Variants in CNNM2 observed in about 807,000 individuals in gnomAD.
The protein encoded by CNNM2 is cyclin and CBS domain divalent metal cation transport mediator 2.
CNNM2 carries 12 observed loss-of-function variants against 66.9 expected under a neutral mutation model. That is an observed-to-expected ratio of 0.18 (90% CI 0.11 to 0.29). CNNM2 has a LOEUF of 0.29. Ranked by LOEUF, CNNM2 falls within the 10% of genes least tolerant of loss-of-function variation. CNNM2 has a pLI of 1.00. For synonymous variants in CNNM2, 557 were observed against 501.8 expected, an observed-to-expected ratio of 1.11 and a Z score of -1.47; for missense variants, 705 against 1,167.7, an observed-to-expected ratio of 0.60 and a Z score of 5.77.
intron 1 of CNNM2, chr10:102,927,328 C>T (rs762567643): frequency 6.2e-6 from 10 of 1,613,718 alleles, no homozygotes; most frequent in South Asian, 1.1e-5. Context: ...CTTTTCATCT[C>T]TTTTTGTTTT....
intron 1 of CNNM2, among the ~76,000 whole-genome samples, chr10:102,959,215 G>A (rs1056265914): frequency 6.6e-6 from 1 of 150,998 alleles, no homozygotes; most frequent in Admixed American, 6.6e-5. Flanking sequence ...TACAGGCCTC[G>A]GCCACTGTGC....
At chr10:103,061,626 T>C (rs1178996246) in intron 4 of CNNM2, among the ~76,000 whole-genome samples, 2 of 152,200 alleles carry the variant, frequency 1.3e-5, no homozygotes, top group Non-Finnish European at 2.9e-5. Context: ...TAGAACAAGA[T>C]GGCATGATAG....
Position 103,088,437 on chromosome 10 carries a change from T to A in CNNM2, c.*11257T>A, listed in dbSNP as rs1485013553. The A allele has an allele frequency of 1.3e-5, 2 of 152,180 alleles. No homozygotes were observed. Among genetic ancestry groups the A allele is most frequent in the Non-Finnish European group, 2.9e-5 (2 of 68,048 alleles). The allele number at this position is 152,180 out of a possible 1,614,324, so 9.4% of individuals were successfully genotyped here. Reference sequence around the variant, plus strand: ...TTTGTTCTTGTTGCCCAGGCTGGAGTGCAATGGCACAATCCTGGCTCACTG... The same window carrying A: ...TTTGTTCTTGTTGCCCAGGCTGGAGAGCAATGGCACAATCCTGGCTCACTG... On this transcript the variant is annotated 3_prime_UTR_variant, in exon 8 of 8. Coordinates refer to ENST00000369878, the MANE Select transcript of CNNM2 (RefSeq NM_017649.5).
chr10:103,049,963 T>C (rs1332997477), intron 2 of CNNM2, 113 bp downstream of exon 2: 3 of 1,016,226 alleles, frequency 3.0e-6, no homozygotes, highest in Non-Finnish European at 4.4e-6. Flanking sequence ...TGACACATGA[T>C]GTGTGTAGGC....
chr10:102,930,282 A>AT (rs1387376645), intron 1 of CNNM2, among the ~76,000 whole-genome samples: 4 of 152,232 alleles, frequency 2.6e-5, no homozygotes, highest in Admixed American at 6.5e-5. Context: ...CATGCAAAAA[A>AT]ATATATATAT....
At position 103,011,273 on chromosome 10, in the gene CNNM2, T is replaced by G. The variant is rs192165073; in HGVS notation, c.1622-38434T>G. On this transcript the variant is annotated intron_variant, in intron 1 of 7. Coordinates refer to ENST00000369878, the MANE Select transcript of CNNM2 (RefSeq NM_017649.5). ...TTCGAGACCAGCTTGACCAACATGATGAAACCCTGTCTCTACTAAAAATAC... is the reference window on the plus strand; with the variant it reads ...TTCGAGACCAGCTTGACCAACATGAGGAAACCCTGTCTCTACTAAAAATAC... Among the ~76,000 whole-genome samples the G allele has an allele frequency of 9.1e-4, 139 of 152,110 alleles. No homozygotes were observed. The East Asian group carries it at 0.023, about 25-fold the overall frequency.
intron 1 of CNNM2, among the ~76,000 whole-genome samples, chr10:102,997,123 T>C (rs1050235157): frequency 6.6e-6 from 1 of 152,226 alleles, no homozygotes; most frequent in Non-Finnish European, 1.5e-5. Flanking sequence ...AAGGATACTT[T>C]CTGAGTCCTT....
intron 1 of CNNM2, among the ~76,000 whole-genome samples, chr10:102,994,764 C>G (rs1375943342): frequency 6.6e-6 from 1 of 152,260 alleles, no homozygotes; most frequent in Non-Finnish European, 1.5e-5. Context: ...GTACACTCAA[C>G]TAATGATGCT....
In CNNM2 at chr10:102,919,434, A is replaced by T. The variant is rs765353344; in HGVS notation, c.954A>T (p.Ser318=). Residue 318 remains serine (S), a synonymous_variant, in exon 1 of 8, where the codon TCA becomes TCT. Coordinates refer to ENST00000369878, the MANE Select transcript of CNNM2 (RefSeq NM_017649.5). ...GGCAGGGCAACTACCTGCTGTGCTCACTGCTGCTGGGCAACGTGCTGGTCA... is the reference window on the plus strand; with the variant it reads ...GGCAGGGCAACTACCTGCTGTGCTCTCTGCTGCTGGGCAACGTGCTGGTCA... ...VRRQGNYLLC[S]LLLGNVLVNT... 1 of 1,611,594 alleles carries T rather than the reference A, an allele frequency of 6.2e-7. No homozygotes were observed. Among genetic ancestry groups the T allele is most frequent in the East Asian group, 2.2e-5 (1 of 44,868 alleles).
chr10:103,050,948 T>C (rs1472080479), intron 2 of CNNM2, among the ~76,000 whole-genome samples: 1 of 151,998 alleles, frequency 6.6e-6, no homozygotes, highest in Non-Finnish European at 1.5e-5. Flanking sequence ...AAGGGTTCCA[T>C]AAAGCCAGAG....
intron 1 of CNNM2, among the ~76,000 whole-genome samples, chr10:102,990,124 T>TTTTG (rs900028246): frequency 6.6e-6 from 1 of 151,894 alleles, no homozygotes; most frequent in African/African-American, 2.4e-5. Flanking sequence ...CTTTGTTGTT[T>TTTTG]TTTGTTTGTT....
intron 4 of CNNM2, among the ~76,000 whole-genome samples, chr10:103,066,921 G>A (rs144891470): frequency 3.3e-5 from 5 of 152,234 alleles, no homozygotes; most frequent in Middle Eastern, 3.4e-3. Context: ...TATCATGGGT[G>A]GAGTTGTAAG....
At chr10:102,924,241 GA>G (rs1845764587) in intron 1 of CNNM2, among the ~76,000 whole-genome samples, 1 of 152,212 alleles carries the variant, frequency 6.6e-6, no homozygotes, top group Non-Finnish European at 1.5e-5. Context: ...CCATTCACCT[GA>G]CAAAACCGTC....
chr10:103,054,598 TTTTTTTTG>T lies in CNNM2; in HGVS notation c.1903+145_1903+152del. On this transcript the variant is annotated intron_variant, in intron 3 of 7. Transcript: ENST00000369878. The surrounding 1 kb of genome is among the most constrained non-coding windows in gnomAD (Gnocchi z 5.2). ...TAAGTAATGCCACTTTTGTGTTTTG[TTTTTTTTG>T]TTTTTTTGTTTTGTTTTGTTTTTTT... 3 of 758,184 alleles carry T rather than the reference TTTTTTTTG, an allele frequency of 4.0e-6. No individual in the cohort carries two copies. Among genetic ancestry groups the T allele is most frequent in the Non-Finnish European group, 5.7e-6 (3 of 523,862 alleles). The allele number at this position is 758,184 out of a possible 1,614,324, so 47.0% of individuals were successfully genotyped here. A position where few individuals can be genotyped will look rare whatever the true frequency, so the allele number is the denominator to read the frequency against.
At chr10:103,000,743 C>G (rs1292873728) in intron 1 of CNNM2, among the ~76,000 whole-genome samples, 1 of 152,166 alleles carries the variant, frequency 6.6e-6, no homozygotes, top group Non-Finnish European at 1.5e-5. Context: ...CCATGCCCAG[C>G]TAATTTTTGT....
chr10:102,992,586 C>T (rs942799016), intron 1 of CNNM2, among the ~76,000 whole-genome samples: 3 of 151,902 alleles, frequency 2.0e-5, no homozygotes, highest in Admixed American at 2.0e-4. Context: ...CAGTTCTTTT[C>T]TGTTTGGTTT....
intron 1 of CNNM2, among the ~76,000 whole-genome samples, chr10:103,016,672 C>G (rs971426433): frequency 6.6e-6 from 1 of 152,176 alleles, no homozygotes; most frequent in African/African-American, 2.4e-5. Context: ...GTGTATTAAC[C>G]AATTCGATCC....
At chr10:103,056,648 A>G (rs368240422) in intron 3 of CNNM2, 147 bp from the exon 4 acceptor site, 1 of 726,156 alleles carries the variant, frequency 1.4e-6, no homozygotes, top group Non-Finnish European at 2.4e-6. Context: ...ATCTGTCCCC[A>G]GTGGATCACC....
intron 1 of CNNM2, among the ~76,000 whole-genome samples, chr10:103,028,814 C>CTTTTTTTTTTTTCTTTTTT (rs2064759605): frequency 7.9e-6 from 1 of 126,180 alleles, no homozygotes; most frequent in Non-Finnish European, 1.6e-5. Flanking sequence ...TTTTCTTTTT[C>CTTTTTTTTTTTTCTTTTTT]TTTTTTTTTT....
Sources: allele counts gnomAD v4.1 joint callset (sites outside exome capture counted in the v4.1 genomes callset), GRCh38; gene constraint gnomAD v4.1.1; non-coding constraint Gnocchi (gnomAD v3.1); transcripts MANE v1.5; gene names NCBI Gene and HGNC (gene_info 2026-07-23, HGNC 2026-07-21).